The following MAST4 variants were observed in gnomAD, a reference collection of about 807,000 sequenced individuals.
MAST4 encodes the protein microtubule associated serine/threonine kinase family member 4.
A neutral mutation model predicts 162.7 loss-of-function variants in MAST4; 89 were observed. The ratio of observed to expected loss-of-function variants is 0.55; its 90% CI spans 0.46 to 0.65. The LOEUF (loss-of-function observed/expected upper bound fraction) is 0.65, where lower values mean the gene tolerates loss of function less well. MAST4 is among the 30% of genes least tolerant of loss of function. MAST4 has a pLI of 0.00. For missense variants in MAST4, 3,153 were observed against 3,374.0 expected (o/e 0.93, Z 1.62); for synonymous variants, 1,479 against 1,361.1 (o/e 1.09, Z -1.91).
chr5:66,698,770 A>AC (rs1250805049), intron 1 of MAST4, among the ~76,000 whole-genome samples: 6 of 151,830 alleles, frequency 4.0e-5, no homozygotes, highest in Admixed American at 3.3e-4. Context: ...ATACCCTTAG[A>AC]CCCCCAAGAT....
At chr5:67,046,446 A>T (rs1757379019) in intron 4 of MAST4, among the ~76,000 whole-genome samples, 1 of 152,214 alleles carries the variant, frequency 6.6e-6, no homozygotes, top group Admixed American at 6.5e-5. Flanking sequence ...TCTCTTTTCC[A>T]GATTCTGCCT....
chr5:67,020,140 G>A (rs1753797534), intron 4 of MAST4, among the ~76,000 whole-genome samples: 1 of 152,198 alleles, frequency 6.6e-6, no homozygotes, highest in Non-Finnish European at 1.5e-5. Context: ...TTGCCCTCAA[G>A]TGGCAATTCA....
At chr5:66,858,839 GT>G (rs888571353) in intron 3 of MAST4, among the ~76,000 whole-genome samples, 2 of 152,016 alleles carry the variant, frequency 1.3e-5, no homozygotes, top group African/African-American at 4.8e-5. Flanking sequence ...CTATTAAGCT[GT>G]TTTACACTTT....
intron 1 of MAST4, among the ~76,000 whole-genome samples, chr5:66,634,117 T>A (rs902841017): frequency 6.6e-6 from 1 of 152,230 alleles, no homozygotes; most frequent in Non-Finnish European, 1.5e-5. Context: ...TACAGTCCAG[T>A]GGTGCAATCT....
chr5:67,036,361 AAGCT>A (rs936001608), intron 4 of MAST4, among the ~76,000 whole-genome samples: 3 of 152,088 alleles, frequency 2.0e-5, no homozygotes, highest in Admixed American at 1.3e-4. Flanking sequence ...AAATTTTTGA[AAGCT>A]AGAGTACAAG....
At chr5:66,700,788 T>TACAC (rs1749717126) in intron 1 of MAST4, among the ~76,000 whole-genome samples, 1 of 105,614 alleles carries the variant, frequency 9.5e-6, no homozygotes, top group African/African-American at 3.9e-5. Context: ...AAATTATATA[T>TACAC]ATATATATAT....
intron 2 of MAST4, chr5:66,783,435 A>T (rs1003621411): frequency 6.6e-6 from 1 of 152,240 alleles, no homozygotes; most frequent in African/African-American, 2.4e-5. Flanking sequence ...GGAATTTAGA[A>T]TAGGAACTCA....
intron 3 of MAST4, among the ~76,000 whole-genome samples, chr5:66,869,613 T>G (rs905579113): frequency 1.3e-5 from 2 of 152,216 alleles, no homozygotes; most frequent in African/African-American, 4.8e-5. Flanking sequence ...AAGCAGTGAT[T>G]ATGGGCAACT....
chr5:67,137,655 A>G (rs1029692038), intron 19 of MAST4, among the ~76,000 whole-genome samples: 9 of 152,208 alleles, frequency 5.9e-5, no homozygotes, highest in African/African-American at 1.4e-4. Flanking sequence ...TTCTTACCTA[A>G]GTATAGACGA....
At chr5:66,875,838 G>A (rs1412812512) in intron 3 of MAST4, among the ~76,000 whole-genome samples, 1 of 152,216 alleles carries the variant, frequency 6.6e-6, no homozygotes, top group Non-Finnish European at 1.5e-5. Flanking sequence ...TTAGCTCAGT[G>A]TGGTCTCTTA....
chr5:66,936,861 T>C lies in MAST4; in HGVS notation c.674+36879T>C, dbSNP rs974732767. Among the ~76,000 whole-genome samples the C allele has an allele frequency of 3.9e-5, 6 of 152,342 alleles. No homozygotes were observed. In the East Asian group the frequency reaches 7.7e-4, roughly 20 times the overall value. Reference sequence around the variant, plus strand: ...TTATAAATCAATGAAAAACTCTTTTTAAAATTTCTTTTCCCAGCATCATCT... The same window carrying C: ...TTATAAATCAATGAAAAACTCTTTTCAAAATTTCTTTTCCCAGCATCATCT... On this transcript the variant is annotated intron_variant, in intron 4 of 28. Transcript: ENST00000403625.
intron 23 of MAST4, among the ~76,000 whole-genome samples, chr5:67,146,947 C>T: frequency 6.6e-6 from 1 of 152,092 alleles, no homozygotes; most frequent in African/African-American, 2.4e-5. Context: ...TTACCTTACT[C>T]TGAATAGAGT....
At chr5:66,669,431 C>T (rs1348200204) in intron 1 of MAST4, among the ~76,000 whole-genome samples, 11 of 152,180 alleles carry the variant, frequency 7.2e-5, no homozygotes, top group Non-Finnish European at 1.5e-4. Flanking sequence ...GGGTAAAACA[C>T]ATCCAAGGCT....
intron 4 of MAST4, among the ~76,000 whole-genome samples, chr5:66,912,711 C>G (rs1034690471): frequency 6.6e-6 from 1 of 152,112 alleles, no homozygotes; most frequent in African/African-American, 2.4e-5. Flanking sequence ...AGAATTCAGG[C>G]CACTTATGTT....
intron 5 of MAST4, among the ~76,000 whole-genome samples, chr5:67,071,157 G>C (rs976059999): frequency 6.6e-6 from 1 of 151,794 alleles, no homozygotes; most frequent in Non-Finnish European, 1.5e-5. Context: ...ACAAATAGTG[G>C]AAACAAACAA....
At chr5:66,655,130 G>A (rs1746465142) in intron 1 of MAST4, among the ~76,000 whole-genome samples, 1 of 152,134 alleles carries the variant, frequency 6.6e-6, no homozygotes, top group Non-Finnish European at 1.5e-5. Context: ...TAGCTCCTGT[G>A]ATCAGCTCAG....
rs570889193 is a variant in MAST4 at position 66,657,776 on chromosome 5, G to A, written c.363+60758G>A. ...CATGAAGATGACTGGAGAATGTGCCGTGGTTACTGATGGTTGTACAGGTTC... is the reference window on the plus strand; with the variant it reads ...CATGAAGATGACTGGAGAATGTGCCATGGTTACTGATGGTTGTACAGGTTC... On this transcript the variant is annotated intron_variant, in intron 1 of 28. Transcript: ENST00000403625. Among the ~76,000 whole-genome samples the A allele has an allele frequency of 7.2e-4, 110 of 152,258 alleles. 1 individual carries two copies. The highest frequency in any genetic ancestry group is 2.5e-3 in the African/African-American group (102 of 41,552).
chr5:66,753,213 T>G (rs937510160), intron 1 of MAST4, among the ~76,000 whole-genome samples: 1 of 151,960 alleles, frequency 6.6e-6, no homozygotes, highest in Non-Finnish European at 1.5e-5. Flanking sequence ...AGATCCAAAA[T>G]TGACACCCTA....
At chr5:66,945,382 C>T (rs1214492538) in intron 4 of MAST4, among the ~76,000 whole-genome samples, 2 of 152,076 alleles carry the variant, frequency 1.3e-5, no homozygotes, top group African/African-American at 2.4e-5. Flanking sequence ...CATATTTCCC[C>T]ACGGAAATCA....
Sources: gnomAD v4.1 joint callset for allele counts (sites outside exome capture counted in the v4.1 genomes callset) on GRCh38, gnomAD v4.1.1 for gene constraint, MANE v1.5 for transcripts, NCBI Gene and HGNC (gene_info 2026-07-23, HGNC 2026-07-21) for gene names.